TBC1D8: variants seen among roughly 807,000 people sequenced by gnomAD.
TBC1D8 encodes TBC1 domain family member 8.
TBC1D8 carries 65 observed loss-of-function variants against 118.8 expected under a neutral mutation model. That is an observed-to-expected ratio of 0.55 (90% CI 0.45 to 0.67). The LOEUF is 0.67. Among genes scored for constraint, TBC1D8 ranks in the 30% least tolerant of loss-of-function variants. The pLI, the probability that TBC1D8 is intolerant of heterozygous loss-of-function variation, is 0.00. For synonymous variants in TBC1D8, 566 were observed against 595.8 expected, an observed-to-expected ratio of 0.95 and a Z score of 0.73; for missense variants, 1,376 against 1,471.2, an observed-to-expected ratio of 0.94 and a Z score of 1.06.
chr2:101,050,493 C>T lies in TBC1D8; in HGVS notation c.780G>A (p.Glu260=), dbSNP rs1192172976. ...TTCGCAGCGTCACGTCGGCCAGCTGCTCCATGACCTTAAACACCTCATCCA... is the reference window on the plus strand; with the variant it reads ...TTCGCAGCGTCACGTCGGCCAGCTGTTCCATGACCTTAAACACCTCATCCA... The part of the protein sequence containing the change: ...LNLDEVFKVM[E]QLADVTLRRL... Residue 260 remains glutamate (E), a synonymous_variant, in exon 5 of 20, where the codon GAG becomes GAA. Transcript: ENST00000409318. The T allele has an allele frequency of 6.2e-7, 1 of 1,613,974 alleles. No homozygotes were observed. The highest frequency in any genetic ancestry group is 8.5e-7 in the Non-Finnish European group (1 of 1,179,858).
At chr2:101,119,841 C>CA (rs1678018545) in intron 1 of TBC1D8, among the ~76,000 whole-genome samples, 1 of 152,226 alleles carries the variant, frequency 6.6e-6, no homozygotes, top group African/African-American at 2.4e-5. Flanking sequence ...ATCTAGCCTC[C>CA]ATCCAGACAG....
chr2:101,036,142 C>A lies in TBC1D8; in HGVS notation c.1479G>T (p.Leu493=). Residue 493 remains leucine, a synonymous_variant, in exon 9 of 20, where the codon CTG becomes CTT. Coordinates refer to ENST00000409318, the MANE Select transcript of TBC1D8 (RefSeq NM_001330348.2). ...CGTATTCCACAAAGTGGTCATTCCACAGGCTTATTTTTATCTGTTCTCTGG... is the reference window on the plus strand; with the variant it reads ...CGTATTCCACAAAGTGGTCATTCCAAAGGCTTATTTTTATCTGTTCTCTGG... ...RMSREQIKIS[L]WNDHFVEYGR... 1 of 1,613,942 alleles carries A rather than the reference C, an allele frequency of 6.2e-7. No homozygotes were observed. Among genetic ancestry groups the A allele is most frequent in the Non-Finnish European group, 8.5e-7 (1 of 1,179,862 alleles).
At chr2:101,033,122 A>AT (rs67349426) in intron 10 of TBC1D8, among the ~76,000 whole-genome samples, 115 of 148,280 alleles carry the variant, frequency 7.8e-4, no homozygotes, top group African/African-American at 2.1e-3. Context: ...CACTCGGTAA[A>AT]TTTTTTTTTT....
At chr2:101,009,419 A>G (rs921338048) in intron 19 of TBC1D8, among the ~76,000 whole-genome samples, 11 of 151,924 alleles carry the variant, frequency 7.2e-5, no homozygotes, top group Non-Finnish European at 1.5e-4. Flanking sequence ...AAAAAAAAAA[A>G]AAAAGAAAAA....
At chr2:101,053,238 C>A (rs1407182289) in intron 4 of TBC1D8, among the ~76,000 whole-genome samples, 2 of 152,134 alleles carry the variant, frequency 1.3e-5, no homozygotes, top group Admixed American at 1.3e-4. Context: ...CTTTGAAAAG[C>A]ATTTCAAAAA....
chr2:101,121,035 C>T (rs1181611746), intron 1 of TBC1D8, among the ~76,000 whole-genome samples: 1 of 152,136 alleles, frequency 6.6e-6, no homozygotes, highest in East Asian at 1.9e-4. Flanking sequence ...ATACTGAACT[C>T]ACAAGTAGCA....
intron 1 of TBC1D8, among the ~76,000 whole-genome samples, chr2:101,124,349 C>T (rs1678261689): frequency 6.6e-6 from 1 of 152,212 alleles, no homozygotes; most frequent in Admixed American, 6.5e-5. Flanking sequence ...TTTCCTATCT[C>T]AAGGCTCTAT....
chr2:101,109,788 G>C (rs1250265283), intron 1 of TBC1D8: 1 of 985,250 alleles, frequency 1.0e-6, no homozygotes, highest in African/African-American at 1.7e-5. Flanking sequence ...GGACTGGTTA[G>C]AGACAGGCAA....
In TBC1D8 at chr2:101,007,458, C is replaced by T. The variant is rs150986003; in HGVS notation, c.*363G>A. Among the ~76,000 whole-genome samples the T allele has an allele frequency of 1.1e-3, 164 of 152,320 alleles. No individual in the cohort carries two copies. Among genetic ancestry groups the T allele is most frequent in the African/African-American group, 3.7e-3 (153 of 41,584 alleles). ...TGATTCCTGACCTCTCCCATTGTCA[C>T]TCCAAGTGAAAAATGAAAGCATGGG... is the stretch of plus-strand genomic sequence containing the variant. On this transcript the variant is annotated 3_prime_UTR_variant, in exon 20 of 20. Transcript: ENST00000409318.
intron 2 of TBC1D8, among the ~76,000 whole-genome samples, chr2:101,075,790 G>A (rs1674775643): frequency 1.3e-5 from 2 of 152,042 alleles, no homozygotes; most frequent in Non-Finnish European, 2.9e-5. Flanking sequence ...AGTATAAAAC[G>A]GACTACAAAT....
Position 101,050,473 on chromosome 2 carries a change from A to G in TBC1D8, c.800T>C (p.Leu267Pro). 6.2e-7 allele frequency: 1 copy of G among 1,613,988 alleles called. No homozygotes were observed. The highest frequency in any genetic ancestry group is 8.5e-7 in the Non-Finnish European group (1 of 1,179,868). ...KVMEQLADVT[L>P]RRLLDNEVFD... ...GACCTCATTATCCAGCAGCCTTCGCAGCGTCACGTCGGCCAGCTGCTCCAT... is the reference window on the plus strand; with the variant it reads ...GACCTCATTATCCAGCAGCCTTCGCGGCGTCACGTCGGCCAGCTGCTCCAT... The change falls in exon 5 of 20, where the codon CTG becomes CCG. Residue 267 changes from leucine (L) to proline (P), a missense_variant. Transcript: ENST00000409318.
Position 101,090,209 on chromosome 2 carries a change from C to T in TBC1D8, c.283G>A (p.Gly95Ser). The change falls in exon 2 of 20, where the codon GGT becomes AGT. Residue 95 changes from glycine (G) to serine (S), a missense_variant and splice_region_variant. Coordinates refer to ENST00000409318, the MANE Select transcript of TBC1D8 (RefSeq NM_001330348.2). ...ACATTCCAACTGGAACAAAACTCAC[C>T]AGTGGCTATGGCCCAGTAAACGTCT... ...GSDVYWAIAT[G>S]ATLEEINQHW... 6.2e-7 allele frequency: 1 copy of T among 1,611,906 alleles called. No individual in the cohort carries two copies. Among genetic ancestry groups the T allele is most frequent in the East Asian group, 2.2e-5 (1 of 44,800 alleles).
chr2:101,073,482 G>C (rs912505285), intron 2 of TBC1D8, among the ~76,000 whole-genome samples: 7 of 151,956 alleles, frequency 4.6e-5, no homozygotes, highest in African/African-American at 1.7e-4. Flanking sequence ...TTTTAATACA[G>C]ATGGGGTTTC....
At chr2:101,038,814 G>A (rs1253565400) in intron 6 of TBC1D8, among the ~76,000 whole-genome samples, 159 bp from the exon 7 acceptor site, 1 of 152,206 alleles carries the variant, frequency 6.6e-6, no homozygotes, top group Non-Finnish European at 1.5e-5. Flanking sequence ...CCCACCACAA[G>A]GGGAGGCTGT....
At position 101,038,885 on chromosome 2, in the gene TBC1D8, T is replaced by C. The variant is rs1681207335; in HGVS notation, c.1081-230A>G. ...TGTGGTCTATCCATACATCGGCGTATGACCCAGCCTTGAAGAGGAGGGGAA... is the reference window on the plus strand; with the variant it reads ...TGTGGTCTATCCATACATCGGCGTACGACCCAGCCTTGAAGAGGAGGGGAA... On this transcript the variant is annotated intron_variant, in intron 6 of 19. Transcript: ENST00000409318. Among the ~76,000 whole-genome samples the C allele has an allele frequency of 2.0e-5, 3 of 152,136 alleles. No individual in the cohort carries two copies. In the South Asian group the frequency reaches 6.2e-4, roughly 31 times the overall value.
intron 1 of TBC1D8, among the ~76,000 whole-genome samples, chr2:101,108,363 A>G (rs1677361766): frequency 6.6e-6 from 1 of 152,236 alleles, no homozygotes; most frequent in East Asian, 1.9e-4. Flanking sequence ...ATCCTGGAAC[A>G]CAAGACTAGG....
At chr2:101,039,583 C>T (rs1013712951) in intron 6 of TBC1D8, among the ~76,000 whole-genome samples, 1 of 152,222 alleles carries the variant, frequency 6.6e-6, no homozygotes, top group African/African-American at 2.4e-5. Flanking sequence ...ACCAGAATTG[C>T]TGCCCTGAAG....
chr2:101,008,295 G>C (rs766337418), intron 19 of TBC1D8, 22 bp from the exon 20 acceptor site: 31 of 1,495,202 alleles, frequency 2.1e-5, no homozygotes, highest in Non-Finnish European at 2.7e-5. Flanking sequence ...ATAAGTCTTA[G>C]GTAGCAGCAG....
intron 19 of TBC1D8, among the ~76,000 whole-genome samples, chr2:101,009,792 AAAAT>A (rs1392254713): frequency 6.6e-5 from 10 of 152,034 alleles, no homozygotes; most frequent in Admixed American, 3.3e-4. Flanking sequence ...CCACAGCACC[AAAAT>A]GACTTAAGTC....
Sources: gnomAD v4.1 joint callset for allele counts (sites outside exome capture counted in the v4.1 genomes callset) on GRCh38, gnomAD v4.1.1 for gene constraint, MANE v1.5 for transcripts, NCBI Gene and HGNC (gene_info 2026-07-23, HGNC 2026-07-21) for gene names.